The following PAQR5 variants were observed in gnomAD, a reference collection of about 807,000 sequenced individuals.
PAQR5 encodes the protein membrane progestin receptor gamma.
PAQR5 carries 20 observed loss-of-function variants against 34.5 expected under a neutral mutation model. The observed-to-expected ratio is 0.58, with a 90% CI of 0.41 to 0.84. The LOEUF is 0.84. Among genes scored for constraint, PAQR5 ranks in the 40% least tolerant of loss-of-function variants. The pLI, the probability that PAQR5 is intolerant of heterozygous loss-of-function variation, is 0.00. For missense variants in PAQR5, 378 were observed against 412.7 expected (o/e 0.92, Z 0.73); for synonymous variants, 131 against 155.6 (o/e 0.84, Z 1.18).
At chr15:69,356,182 C>G (rs980601503) in intron 2 of PAQR5, among the ~76,000 whole-genome samples, 3 of 152,162 alleles carry the variant, frequency 2.0e-5, no homozygotes, top group African/African-American at 7.2e-5. Flanking sequence ...TCTGTGGAGA[C>G]CCAACCTTGA....
At chr15:69,347,661 G>A (rs1012042737) in intron 2 of PAQR5, among the ~76,000 whole-genome samples, 7 of 152,106 alleles carry the variant, frequency 4.6e-5, no homozygotes, top group South Asian at 4.1e-4. Context: ...AAATATCATA[G>A]CGAGTGACTC....
chr15:69,312,907 C>T (rs2053863708), intron 1 of PAQR5, among the ~76,000 whole-genome samples: 1 of 152,120 alleles, frequency 6.6e-6, no homozygotes, highest in Admixed American at 6.5e-5. Context: ...GTCCTATGTG[C>T]TATAAATCAG....
At chr15:69,325,386 A>G (rs964250537) in intron 1 of PAQR5, among the ~76,000 whole-genome samples, 2 of 152,062 alleles carry the variant, frequency 1.3e-5, no homozygotes, top group East Asian at 1.9e-4. Context: ...ACGAGCACCC[A>G]CCTGGGCCTG....
rs564219268 is a variant in PAQR5, at chr15:69,404,836, T to C, written c.*1014T>C. 1.5e-4 allele frequency: 61 copies of C among 397,574 alleles called. No individual in the cohort carries two copies. Among genetic ancestry groups the C allele is most frequent in the African/African-American group, 1.2e-3 (58 of 48,734 alleles). The allele number at this position is 397,574 out of a possible 1,614,324, so 24.6% of individuals were successfully genotyped here. A position where few individuals can be genotyped will look rare whatever the true frequency, so the allele number is the denominator to read the frequency against. On this transcript the variant is annotated 3_prime_UTR_variant, in exon 9 of 9. Coordinates refer to ENST00000395407, the MANE Select transcript of PAQR5 (RefSeq NM_017705.4). The stretch of plus-strand genomic sequence containing the variant: ...TAAGCTTGTGACAAATGCAGACTCC[T>C]AGGGAAAACCAGGGGGTTCTGCTTC...
chr15:69,303,719 A>T (rs1359306691), intron 1 of PAQR5, among the ~76,000 whole-genome samples: 1 of 152,168 alleles, frequency 6.6e-6, no homozygotes, highest in African/African-American at 2.4e-5. Context: ...ATAACCGACC[A>T]GTCTGAGAAA....
chr15:69,325,699 T>G (rs2054235041), intron 1 of PAQR5, among the ~76,000 whole-genome samples: 1 of 152,092 alleles, frequency 6.6e-6, no homozygotes, highest in Non-Finnish European at 1.5e-5. Flanking sequence ...GGAACTACAT[T>G]AACCCAAGCA....
At chr15:69,308,761 T>C (rs767008959) in intron 1 of PAQR5, among the ~76,000 whole-genome samples, 7 of 151,976 alleles carry the variant, frequency 4.6e-5, no homozygotes, top group Non-Finnish European at 7.4e-5. Flanking sequence ...AGGCACAGGT[T>C]CCAGCAAGTG....
chr15:69,394,290 G>A (rs2056352828), intron 6 of PAQR5, among the ~76,000 whole-genome samples: 1 of 152,072 alleles, frequency 6.6e-6, no homozygotes, highest in East Asian at 1.9e-4. Flanking sequence ...CAGCGCTGGA[G>A]GTAGAAGGCT....
chr15:69,312,993 C>T (rs2053865298), intron 1 of PAQR5, among the ~76,000 whole-genome samples: 3 of 152,138 alleles, frequency 2.0e-5, no homozygotes, highest in Admixed American at 6.5e-5. Flanking sequence ...TCTCTTGTAT[C>T]GTTGCTTACA....
chr15:69,353,215 C>T (rs770416586), intron 2 of PAQR5, among the ~76,000 whole-genome samples: 10 of 152,268 alleles, frequency 6.6e-5, no homozygotes, highest in Admixed American at 1.3e-4. Context: ...TTACCTGGGG[C>T]GATCAGCCAG....
chr15:69,340,153 A>C (rs1005392893), intron 2 of PAQR5, among the ~76,000 whole-genome samples: 1 of 150,714 alleles, frequency 6.6e-6, no homozygotes, highest in Non-Finnish European at 1.5e-5. Flanking sequence ...GGCATGAGCC[A>C]CCGTGCCCGG....
intron 1 of PAQR5, among the ~76,000 whole-genome samples, chr15:69,320,023 G>T (rs1051451087): frequency 3.9e-5 from 6 of 152,370 alleles, no homozygotes; most frequent in African/African-American, 1.4e-4. Context: ...TGAGAGCAGG[G>T]TGGAGATAGG....
chr15:69,336,545 C>T (rs4505253), intron 1 of PAQR5, among the ~76,000 whole-genome samples: 98,444 of 152,022 alleles, frequency 0.65, 34,029 homozygotes, highest in South Asian at 0.83. Flanking sequence ...ATCTCTTTGT[C>T]GATCGTGTCT....
chr15:69,386,642 G>C (rs1451651887), intron 5 of PAQR5, among the ~76,000 whole-genome samples: 1 of 151,008 alleles, frequency 6.6e-6, no homozygotes, highest in Non-Finnish European at 1.5e-5. Flanking sequence ...CCCTGGGCTG[G>C]CTCCCCTCCT....
intron 4 of PAQR5, among the ~76,000 whole-genome samples, chr15:69,380,604 A>C (rs1553502): frequency 1.3e-5 from 2 of 152,232 alleles, no homozygotes; most frequent in Admixed American, 1.3e-4. Context: ...GCAGAAATGG[A>C]AGTGGCCAGG....
intron 8 of PAQR5, 112 bp from the exon 9 acceptor site, chr15:69,403,469 C>T: frequency 1.1e-6 from 1 of 939,518 alleles, no homozygotes; most frequent in Non-Finnish European, 1.6e-6. Context: ...AATATGTGGT[C>T]TCCTGTCTGG....
chr15:69,317,492 C>T (rs1170498542), intron 1 of PAQR5, among the ~76,000 whole-genome samples: 3 of 152,218 alleles, frequency 2.0e-5, no homozygotes, highest in African/African-American at 7.2e-5. Flanking sequence ...CTTCCCTCTG[C>T]CAGTTCACAT....
chr15:69,357,452 C>T (rs981225828), intron 2 of PAQR5, among the ~76,000 whole-genome samples: 2 of 108,136 alleles, frequency 1.8e-5, no homozygotes, highest in South Asian at 4.5e-4. Flanking sequence ...TTAGTAGAGA[C>T]GGGGTTTCAC....
chr15:69,328,914 G>C (rs1036272366), intron 1 of PAQR5, among the ~76,000 whole-genome samples: 11 of 152,216 alleles, frequency 7.2e-5, no homozygotes, highest in Admixed American at 7.2e-4. Context: ...CCCAGCCACC[G>C]GACCAGTTTC....
Sources: allele counts gnomAD v4.1 joint callset (sites outside exome capture counted in the v4.1 genomes callset), GRCh38; gene constraint gnomAD v4.1.1; transcripts MANE v1.5; gene names NCBI Gene and HGNC (gene_info 2026-07-23, HGNC 2026-07-21).